Variants in KIF26A observed in about 807,000 individuals in gnomAD.
KIF26A encodes the protein kinesin-like protein KIF26A.
Under a neutral mutation model 126.0 loss-of-function variants are expected in KIF26A, and 74 were observed. That is an observed-to-expected ratio of 0.59 (90% CI 0.49 to 0.71). The LOEUF is 0.71. KIF26A is among the 30% of genes least tolerant of loss of function. The pLI, the probability that KIF26A is intolerant of heterozygous loss-of-function variation, is 0.00. For missense variants in KIF26A, 2,984 were observed against 2,763.3 expected (o/e 1.08, Z -1.79); for synonymous variants, 1,445 against 1,232.7 (o/e 1.17, Z -3.61).
intron 5 of KIF26A, 140 bp from the exon 6 acceptor site, chr14:104,171,583 C>A (rs776751696): frequency 4.8e-5 from 33 of 684,172 alleles, no homozygotes; most frequent in Admixed American, 7.6e-5. Flanking sequence ...AGCAGGGGCG[C>A]GGTGTCCACA....
chr14:104,168,757 A>G (rs1429583492), intron 5 of KIF26A, among the ~76,000 whole-genome samples: 1 of 152,200 alleles, frequency 6.6e-6, no homozygotes, highest in Non-Finnish European at 1.5e-5. Flanking sequence ...CGGAGGCGAC[A>G]TTCTGCATCC....
chr14:104,138,837 G>A, intron 1 of KIF26A, 73 bp downstream of exon 1: 1 of 1,260,572 alleles, frequency 7.9e-7, no homozygotes, highest in Non-Finnish European at 1.0e-6. Flanking sequence ...CGCGGTGTGC[G>A]CTGGATCCCT....
chr14:104,174,799 T>C (rs781237753), intron 11 of KIF26A, among the ~76,000 whole-genome samples, 183 bp from the exon 12 acceptor site: 1 of 152,154 alleles, frequency 6.6e-6, no homozygotes, highest in Non-Finnish European at 1.5e-5. Flanking sequence ...CTAAGAATGG[T>C]CACTTAAGTT....
chr14:104,146,477 T>TG (rs1301791350), intron 2 of KIF26A, among the ~76,000 whole-genome samples: 6 of 150,820 alleles, frequency 4.0e-5, no homozygotes, highest in Non-Finnish European at 4.4e-5. Flanking sequence ...GCCTACCGAG[T>TG]GGTGGGAAGA....
rs201706518 is a variant in KIF26A, at chr14:104,173,270, A to T, written c.1683+31A>T. ...CCTGCCTACTGTCCCACCTTGGGGG[A>T]GGGGGGCTGCACTTGGCCCTGAGCC... is the stretch of plus-strand genomic sequence containing the variant. On this transcript the variant is annotated intron_variant, in intron 8 of 14. Transcript: ENST00000423312. The T allele has an allele frequency of 1.2e-4, 199 of 1,601,174 alleles. 1 individual carries two copies. The African/African-American group carries it at 2.1e-3, about 17-fold the overall frequency.
rs768967756 is a variant in KIF26A, at chr14:104,176,348, G to A, written c.3560G>A (p.Arg1187Gln). The change falls in exon 12 of 15, where the codon CGA (arginine) becomes CAA (glutamine). Residue 1187 changes from arginine (R) to glutamine (Q), a missense_variant. Arg to Gln is a conservative substitution (Grantham distance 43). Coordinates refer to ENST00000423312, the MANE Select transcript of KIF26A (RefSeq NM_015656.2). ...GAAGTGGCTGCAGTGGCCCCATCCC[G>A]ACCCGGCAGGGAGCCCCAGGCCGGG... ...PGEVAAVAPS[R>Q]PGREPQAGPS... 6 of 1,581,772 alleles carry A rather than the reference G, an allele frequency of 3.8e-6. No homozygotes were observed. Among genetic ancestry groups the A allele is most frequent in the East Asian group, 2.3e-5 (1 of 43,584 alleles).
At chr14:104,149,565 T>C (rs887679990) in intron 2 of KIF26A, among the ~76,000 whole-genome samples, 1 of 151,348 alleles carries the variant, frequency 6.6e-6, no homozygotes, top group Admixed American at 6.6e-5. Context: ...GGCTGGGGCC[T>C]CCCTGGCAGC....
chr14:104,158,195 C>A (rs533152356), intron 4 of KIF26A, among the ~76,000 whole-genome samples: 12 of 152,362 alleles, frequency 7.9e-5, no homozygotes, highest in Non-Finnish European at 1.8e-4. Context: ...GTGGCCAGGA[C>A]CCTGCCTGAG....
chr14:104,147,849 G>T (rs1187703867), intron 2 of KIF26A, among the ~76,000 whole-genome samples: 1 of 152,330 alleles, frequency 6.6e-6, no homozygotes, highest in Non-Finnish European at 1.5e-5. Context: ...TCACTGCGTG[G>T]GTCGGGGAGG....
intron 6 of KIF26A, among the ~76,000 whole-genome samples, chr14:104,172,374 C>T (rs537927014): frequency 1.3e-5 from 2 of 152,356 alleles, no homozygotes; most frequent in South Asian, 4.1e-4. Context: ...CTGGCCAGTC[C>T]CTCCTACGTG....
chr14:104,172,840 G>C lies in KIF26A; in HGVS notation c.1421-137G>C, dbSNP rs908888384. 4 of 1,285,448 alleles carry C rather than the reference G, an allele frequency of 3.1e-6. No homozygotes were observed. In the African/African-American group the frequency reaches 4.5e-5, roughly 14 times the overall value. 79.6% of individuals were successfully genotyped at this position (1,285,448 alleles called of 1,614,324 possible). A position where few individuals can be genotyped will look rare whatever the true frequency, so the allele number is the denominator to read the frequency against. On this transcript the variant is annotated intron_variant, in intron 7 of 14. Transcript: ENST00000423312. ...GAGGAAGCTGAACCCCTGCCGAACT[G>C]AAAGGCAGAGGGCTTAGGATGGATC...
At chr14:104,166,103 G>A (rs546907348) in intron 4 of KIF26A, among the ~76,000 whole-genome samples, 6 of 152,214 alleles carry the variant, frequency 3.9e-5, no homozygotes, top group Admixed American at 3.9e-4. Context: ...GCTTTGGGGT[G>A]GGGAGGCGCT....
intron 4 of KIF26A, among the ~76,000 whole-genome samples, chr14:104,161,580 A>C (rs2037833080): frequency 6.6e-6 from 1 of 152,234 alleles, no homozygotes; most frequent in South Asian, 2.1e-4. Flanking sequence ...GTGGGATTGC[A>C]GCAAGACACC....
At position 104,179,609 on chromosome 14, in the gene KIF26A, T is replaced by C. The variant is rs1028755633; in HGVS notation, c.5468T>C (p.Phe1823Ser). 9.9e-6 allele frequency: 15 copies of C among 1,521,588 alleles called. No homozygotes were observed. In the African/African-American group the frequency reaches 1.2e-4, roughly 13 times the overall value. The allele number at this position is 1,521,588 out of a possible 1,614,324, so 94.3% of individuals were successfully genotyped here. The change falls in exon 15 of 15, where the codon TTT becomes TCT. Residue 1823 changes from phenylalanine to serine, a missense_variant and splice_region_variant. Physicochemically the swap from Phe to Ser is radical, Grantham distance 155. Transcript: ENST00000423312. ...MLEPGRWLEQ[F>S]EVDPELEPES... ...CCCTCCCCTCTCCTCCCCTCCCCAG[T>C]TGAGGTGGACCCGGAGCTGGAGCCC...
At chr14:104,174,005 T>C in intron 10 of KIF26A, 137 bp downstream of exon 10, 1 of 1,390,632 alleles carries the variant, frequency 7.2e-7, no homozygotes, top group Non-Finnish European at 9.6e-7. Context: ...CAGGCCTCGC[T>C]GCCCGTGGGC....
intron 5 of KIF26A, among the ~76,000 whole-genome samples, chr14:104,167,452 G>A (rs1356990221): frequency 6.6e-6 from 1 of 152,116 alleles, no homozygotes; most frequent in Non-Finnish European, 1.5e-5. Flanking sequence ...CCGTGTGCAG[G>A]CGGGCCCCTG....
chr14:104,165,574 CAT>C, intron 4 of KIF26A, among the ~76,000 whole-genome samples: 1 of 133,036 alleles, frequency 7.5e-6, no homozygotes, highest in Admixed American at 7.3e-5. Context: ...TTTCTGTATG[CAT>C]GTGTGTGTCT....
At position 104,179,232 on chromosome 14, in the gene KIF26A, C is replaced by A; in HGVS notation, c.5317-4C>A. 1 of 1,467,954 alleles carries A rather than the reference C, an allele frequency of 6.8e-7. No individual in the cohort carries two copies. The highest frequency in any genetic ancestry group is 9.0e-7 in the Non-Finnish European group (1 of 1,114,474). The allele number at this position is 1,467,954 out of a possible 1,614,324, so 90.9% of individuals were successfully genotyped here. ...CCTGAGCCCCCGCCCGCCCTGCCTCCCAGGGTCTGGCGTGCGTCAGTACAA... is the reference window on the plus strand; with the variant it reads ...CCTGAGCCCCCGCCCGCCCTGCCTCACAGGGTCTGGCGTGCGTCAGTACAA... On this transcript the variant is annotated splice_polypyrimidine_tract_variant and splice_region_variant and intron_variant, in intron 13 of 14. Coordinates refer to ENST00000423312, the MANE Select transcript of KIF26A (RefSeq NM_015656.2).
At chr14:104,164,464 G>A (rs61997644) in intron 4 of KIF26A, among the ~76,000 whole-genome samples, 42,246 of 151,942 alleles carry the variant, frequency 0.28, 5,934 homozygotes, top group Admixed American at 0.32. Flanking sequence ...TCCATGATCC[G>A]GGGTAGGGGC....
Sources: allele counts gnomAD v4.1 joint callset (sites outside exome capture counted in the v4.1 genomes callset), GRCh38; gene constraint gnomAD v4.1.1; transcripts MANE v1.5; gene names NCBI Gene and HGNC (gene_info 2026-07-23, HGNC 2026-07-21).